GBE1: variants seen among roughly 807,000 people sequenced by gnomAD.
GBE1 encodes 1,4-alpha-glucan-branching enzyme.
GBE1 carries 70 observed loss-of-function variants against 88.8 expected under a neutral mutation model. The observed-to-expected ratio is 0.79, with a 90% CI of 0.65 to 0.96. The LOEUF (loss-of-function observed/expected upper bound fraction) is 0.96. Ranked by LOEUF, GBE1 falls within the 40% of genes least tolerant of loss-of-function variation. The pLI, the probability that GBE1 is intolerant of heterozygous loss-of-function variation, is 0.00. For synonymous variants in GBE1, 284 were observed against 300.1 expected, an observed-to-expected ratio of 0.95 and a Z score of 0.56; for missense variants, 872 against 871.0, an observed-to-expected ratio of 1.00 and a Z score of -0.01.
intron 2 of GBE1, among the ~76,000 whole-genome samples, chr3:81,687,222 T>C (rs374369213): frequency 6.6e-6 from 1 of 152,098 alleles, no homozygotes; most frequent in African/African-American, 2.4e-5. Flanking sequence ...CGTTCTAATA[T>C]ATTTAAGGAA....
chr3:81,758,949 G>A (rs1368899503), intron 1 of GBE1, among the ~76,000 whole-genome samples: 7 of 152,156 alleles, frequency 4.6e-5, no homozygotes, highest in Non-Finnish European at 8.8e-5. Flanking sequence ...TCTTTCCCAC[G>A]CTGTTCTCCT....
At chr3:81,579,448 C>G (rs1029627009) in intron 11 of GBE1, among the ~76,000 whole-genome samples, 1 of 152,118 alleles carries the variant, frequency 6.6e-6, no homozygotes, top group East Asian at 1.9e-4. Context: ...TTTTTCTTTA[C>G]AGATTAGGTA....
chr3:81,728,745 A>G (rs1324458563), intron 1 of GBE1, among the ~76,000 whole-genome samples: 1 of 152,198 alleles, frequency 6.6e-6, no homozygotes, highest in Non-Finnish European at 1.5e-5. Context: ...GATCAATACA[A>G]TGAAATTAAA....
chr3:81,602,064 T>A, intron 7 of GBE1, among the ~76,000 whole-genome samples: 1 of 152,186 alleles, frequency 6.6e-6, no homozygotes, highest in East Asian at 1.9e-4. Context: ...AGTATGAGAC[T>A]GTATTGAGAG....
intron 14 of GBE1, among the ~76,000 whole-genome samples, chr3:81,524,598 T>C (rs1702919852): frequency 6.6e-6 from 1 of 151,844 alleles, no homozygotes; most frequent in African/African-American, 2.4e-5. Flanking sequence ...TAATGAGAGA[T>C]AGGGATCTAG....
intron 7 of GBE1, among the ~76,000 whole-genome samples, chr3:81,596,355 T>C (rs1053870094): frequency 2.0e-5 from 3 of 151,982 alleles, no homozygotes; most frequent in Non-Finnish European, 2.9e-5. Context: ...GTTACATATG[T>C]ATACATGCAC....
intron 12 of GBE1, among the ~76,000 whole-genome samples, chr3:81,562,128 C>T (rs1703427073): frequency 6.6e-6 from 1 of 152,022 alleles, no homozygotes; most frequent in Non-Finnish European, 1.5e-5. Context: ...TCTTTTGTTA[C>T]CCAGTTCCTA....
intron 14 of GBE1, among the ~76,000 whole-genome samples, chr3:81,519,387 A>AACACTCC (rs1194846742): frequency 3.3e-5 from 5 of 151,522 alleles, no homozygotes; most frequent in Non-Finnish European, 7.4e-5. Context: ...ATACCTCATG[A>AACACTCC]ACACTCCTCT....
At chr3:81,648,824 T>G (rs1392582628) in intron 5 of GBE1, 32 bp downstream of exon 5, 1 of 1,339,290 alleles carries the variant, frequency 7.5e-7, no homozygotes, top group Non-Finnish European at 1.0e-6. Context: ...CATTAAAATT[T>G]TATCTGAATA....
rs531596960 is a variant in GBE1, at chr3:81,630,282, T to C, written c.992+12499A>G. Among the ~76,000 whole-genome samples, 368 of 152,228 alleles carry C rather than the reference T, an allele frequency of 2.4e-3. 1 individual carries two copies. The highest frequency in any genetic ancestry group is 5.4e-3 in the South Asian group (26 of 4,828). On this transcript the variant is annotated intron_variant, in intron 7 of 15. Transcript: ENST00000429644. ...TGAAATAAAAGAGGATACAAACAAA[T>C]GGAAGAACATTCCATGCTCATGGGT...
At chr3:81,693,741 C>A (rs1705553946) in intron 2 of GBE1, among the ~76,000 whole-genome samples, 1 of 152,042 alleles carries the variant, frequency 6.6e-6, no homozygotes, top group Admixed American at 6.6e-5. Flanking sequence ...TTGAAACACA[C>A]AAACACACAC....
At chr3:81,571,629 G>A (rs80139781) in intron 12 of GBE1, among the ~76,000 whole-genome samples, 4 of 152,226 alleles carry the variant, frequency 2.6e-5, no homozygotes, top group Admixed American at 1.3e-4. Flanking sequence ...ATCCCCAGGA[G>A]GAAGAAGAAA....
chr3:81,508,008 A>G (rs1702676961), intron 14 of GBE1, among the ~76,000 whole-genome samples: 1 of 152,180 alleles, frequency 6.6e-6, no homozygotes, highest in African/African-American at 2.4e-5. Flanking sequence ...GACAAGCTCA[A>G]AGGATGAGGG....
chr3:81,524,314 C>G (rs114125100), intron 14 of GBE1, among the ~76,000 whole-genome samples: 1 of 151,826 alleles, frequency 6.6e-6, no homozygotes, highest in African/African-American at 2.4e-5. Flanking sequence ...ATATTCAGAT[C>G]TTCTGCCCAT....
At chr3:81,500,990 A>C (rs1226816481) in intron 14 of GBE1, among the ~76,000 whole-genome samples, 2 of 152,066 alleles carry the variant, frequency 1.3e-5, no homozygotes, top group Non-Finnish European at 2.9e-5. Context: ...GTATGGAAAA[A>C]CTACCCATCA....
intron 7 of GBE1, among the ~76,000 whole-genome samples, chr3:81,614,935 G>A (rs1704229056): frequency 6.6e-6 from 1 of 152,016 alleles, no homozygotes; most frequent in Admixed American, 6.6e-5. Context: ...AGGCTGAGGT[G>A]GGAGAATCGT....
chr3:81,670,788 G>T (rs772431403), intron 3 of GBE1, 50 bp downstream of exon 3: 1 of 994,070 alleles, frequency 1.0e-6, no homozygotes. Context: ...TGGCAAACAA[G>T]ATAAAAAGAA....
chr3:81,662,444 C>T (rs1377889604), intron 3 of GBE1, among the ~76,000 whole-genome samples: 3 of 152,032 alleles, frequency 2.0e-5, no homozygotes, highest in Non-Finnish European at 4.4e-5. Context: ...ATTTATCCAT[C>T]GGTGGTCCTG....
chr3:81,713,064 A>G (rs1200306317), intron 1 of GBE1, among the ~76,000 whole-genome samples: 2 of 152,214 alleles, frequency 1.3e-5, no homozygotes, highest in Non-Finnish European at 2.9e-5. Context: ...CTAATAATTC[A>G]GTTACGTGAA....
Sources: allele counts gnomAD v4.1 joint callset (sites outside exome capture counted in the v4.1 genomes callset), GRCh38; gene constraint gnomAD v4.1.1; transcripts MANE v1.5; gene names NCBI Gene and HGNC (gene_info 2026-07-23, HGNC 2026-07-21).